Variants in KCNQ4 observed in about 807,000 individuals in gnomAD.
The protein encoded by KCNQ4 is potassium voltage-gated channel subfamily KQT member 4.
Under a neutral mutation model 72.6 loss-of-function variants are expected in KCNQ4, and 31 were observed. The observed-to-expected ratio is 0.43, with a 90% CI of 0.32 to 0.58. KCNQ4 has a LOEUF of 0.58. KCNQ4 is among the 20% of genes least tolerant of loss of function. The pLI, the probability that KCNQ4 is intolerant of heterozygous loss-of-function variation, is 0.08. For synonymous variants in KCNQ4, 405 were observed against 403.7 expected (o/e 1.00, Z -0.04); for missense variants, 869 against 962.6 (o/e 0.90, Z 1.29).
intron 1 of KCNQ4, among the ~76,000 whole-genome samples, chr1:40,787,207 C>T (rs1570796620): frequency 6.6e-6 from 1 of 151,884 alleles, no homozygotes; most frequent in East Asian, 1.9e-4. Flanking sequence ...CCTGACTCTA[C>T]AAAATTTAAA....
At chr1:40,833,168 C>A in intron 11 of KCNQ4, 55 bp downstream of exon 11, 2 of 1,336,670 alleles carry the variant, frequency 1.5e-6, no homozygotes, top group South Asian at 1.2e-5. Context: ...CACTGCTGCT[C>A]CCCATCTGGG....
intron 1 of KCNQ4, among the ~76,000 whole-genome samples, chr1:40,814,509 G>A (rs889711115): frequency 6.6e-6 from 1 of 152,032 alleles, no homozygotes; most frequent in African/African-American, 2.4e-5. Context: ...TTTGAGACCA[G>A]CCTGGGCAAC....
intron 7 of KCNQ4, among the ~76,000 whole-genome samples, chr1:40,820,861 G>T (rs1193778940): frequency 6.6e-6 from 1 of 152,164 alleles, no homozygotes. Flanking sequence ...CTGAGGCCAG[G>T]GCTCTGATTT....
intron 9 of KCNQ4, among the ~76,000 whole-genome samples, chr1:40,829,561 C>T (rs1394443974): frequency 6.6e-6 from 1 of 152,094 alleles, no homozygotes; most frequent in Non-Finnish European, 1.5e-5. Flanking sequence ...CACCTTGGCT[C>T]CCTCCCCTCC....
At chr1:40,802,066 T>C (rs1002074924) in intron 1 of KCNQ4, among the ~76,000 whole-genome samples, 1 of 152,066 alleles carries the variant, frequency 6.6e-6, no homozygotes, top group Non-Finnish European at 1.5e-5. Context: ...CCATACAAGA[T>C]AGTAATAGTT....
At chr1:40,832,374 C>T (rs1296433531) in intron 10 of KCNQ4, among the ~76,000 whole-genome samples, 1 of 152,184 alleles carries the variant, frequency 6.6e-6, no homozygotes, top group Non-Finnish European at 1.5e-5. Flanking sequence ...TTGAGAGGTG[C>T]TGCCCATAGA....
chr1:40,823,675 T>C (rs1648376741), intron 8 of KCNQ4, among the ~76,000 whole-genome samples: 1 of 152,162 alleles, frequency 6.6e-6, no homozygotes, highest in Admixed American at 6.5e-5. Flanking sequence ...GAGTGAGTGC[T>C]GGAGGGGAAG....
At chr1:40,819,574 C>T in intron 5 of KCNQ4, 102 bp downstream of exon 5, 1 of 1,474,866 alleles carries the variant, frequency 6.8e-7, no homozygotes, top group Non-Finnish European at 9.4e-7. Flanking sequence ...TTGAGCGGGC[C>T]TGCCCCTGCC....
intron 6 of KCNQ4, 33 bp from the exon 7 acceptor site, chr1:40,820,132 G>T: frequency 6.3e-7 from 1 of 1,581,368 alleles, no homozygotes. Context: ...ACCACTGCCA[G>T]CACATTCCCC....
chr1:40,812,901 G>A (rs922801329), intron 1 of KCNQ4, among the ~76,000 whole-genome samples: 1 of 152,186 alleles, frequency 6.6e-6, no homozygotes, highest in African/African-American at 2.4e-5. Flanking sequence ...AATCAATCAA[G>A]CAATCGGTCA....
chr1:40,824,381 C>T, intron 9 of KCNQ4, 123 bp downstream of exon 9: 4 of 1,077,470 alleles, frequency 3.7e-6, no homozygotes, highest in South Asian at 1.5e-5. Flanking sequence ...GTTTGGGGGA[C>T]TCCTAGGCCG....
At chr1:40,832,927 C>G in intron 10 of KCNQ4, 87 bp from the exon 11 acceptor site, 1 of 935,182 alleles carries the variant, frequency 1.1e-6, no homozygotes, top group Non-Finnish European at 1.8e-6. Flanking sequence ...ATTGGACACT[C>G]TACTGGTGGT....
intron 1 of KCNQ4, among the ~76,000 whole-genome samples, chr1:40,786,591 C>A (rs959310656): frequency 1.3e-5 from 2 of 152,098 alleles, no homozygotes; most frequent in African/African-American, 4.8e-5. Context: ...AATTGGTCAC[C>A]CATCTTAGAG....
Position 40,820,145 on chromosome 1 carries a change from A to G in KCNQ4, c.946-20A>G, listed in dbSNP as rs765330087. On this transcript the variant is annotated intron_variant, in intron 6 of 13. Coordinates refer to ENST00000347132, the MANE Select transcript of KCNQ4 (RefSeq NM_004700.4). ...CCACCACTGCCAGCACATTCCCCCA[A>G]CCATGCCCTATCCCTCTAGGGCATC... The G allele has an allele frequency of 1.3e-6, 2 of 1,596,276 alleles. No individual in the cohort carries two copies. Among genetic ancestry groups the G allele is most frequent in the Admixed American group, 1.7e-5 (1 of 57,828 alleles).
At chr1:40,813,454 G>A (rs1647985062) in intron 1 of KCNQ4, among the ~76,000 whole-genome samples, 1 of 152,174 alleles carries the variant, frequency 6.6e-6, no homozygotes, top group South Asian at 2.1e-4. Flanking sequence ...GATGTGCAGG[G>A]GGAGGGAAAG....
chr1:40,838,087 G>A (rs913956449), intron 13 of KCNQ4, among the ~76,000 whole-genome samples: 6 of 151,766 alleles, frequency 4.0e-5, no homozygotes, highest in African/African-American at 1.2e-4. Flanking sequence ...TGTAGCTCGC[G>A]GACTATCCCC....
intron 1 of KCNQ4, among the ~76,000 whole-genome samples, chr1:40,792,941 C>T (rs760094459): frequency 3.4e-4 from 52 of 151,752 alleles, no homozygotes; most frequent in Non-Finnish European, 6.6e-4. Flanking sequence ...CATTTGGCCA[C>T]TCCACCATGC....
At chr1:40,827,596 C>T (rs1469493044) in intron 9 of KCNQ4, among the ~76,000 whole-genome samples, 1 of 152,194 alleles carries the variant, frequency 6.6e-6, no homozygotes, top group African/African-American at 2.4e-5. Context: ...TCCTGGGTTT[C>T]CAAAGGTGCC....
At chr1:40,834,884 G>A in intron 11 of KCNQ4, 83 bp from the exon 12 acceptor site, 1 of 1,580,862 alleles carries the variant, frequency 6.3e-7, no homozygotes, top group South Asian at 1.1e-5. Context: ...GCTGGACAAG[G>A]GGATAGCAAA....
Sources: allele counts gnomAD v4.1 joint callset (sites outside exome capture counted in the v4.1 genomes callset), GRCh38; gene constraint gnomAD v4.1.1; transcripts MANE v1.5; gene names NCBI Gene and HGNC (gene_info 2026-07-23, HGNC 2026-07-21).